The following ALOX12 variants were observed in gnomAD, a reference collection of about 807,000 sequenced individuals.
ALOX12 encodes the protein polyunsaturated fatty acid lipoxygenase ALOX12.
A neutral mutation model predicts 85.5 loss-of-function variants in ALOX12; 62 were observed. The ratio of observed to expected loss-of-function variants is 0.73; its 90% CI spans 0.59 to 0.90. The LOEUF (loss-of-function observed/expected upper bound fraction) is 0.90. ALOX12 is among the 40% of genes least tolerant of loss of function. The probability of loss-of-function intolerance (pLI) is 0.00; values close to 1 mark genes in which losing one functional copy is unlikely to be tolerated. For missense variants in ALOX12, 751 were observed against 856.5 expected, an observed-to-expected ratio of 0.88 and a Z score of 1.54; for synonymous variants, 299 against 332.7, an observed-to-expected ratio of 0.90 and a Z score of 1.10.
chr17:7,009,717 G>C, intron 11 of ALOX12, 30 bp from the exon 12 acceptor site: 1 of 1,577,128 alleles, frequency 6.3e-7, no homozygotes, highest in Non-Finnish European at 8.7e-7. Flanking sequence ...TTATGCTGTA[G>C]CTTCTAACTG....
chr17:6,996,282 C>A, intron 1 of ALOX12, 30 bp downstream of exon 1: 1 of 1,225,826 alleles, frequency 8.2e-7, no homozygotes, highest in East Asian at 3.2e-5. Flanking sequence ...GGAGCTAGGG[C>A]AGCGGGGACC....
intron 8 of ALOX12, 26 bp downstream of exon 8, chr17:7,001,837 T>A (rs1262645060): frequency 6.3e-7 from 1 of 1,592,864 alleles, no homozygotes; most frequent in African/African-American, 1.3e-5. Flanking sequence ...TTAAATCACA[T>A]ATCCCTCAGA....
intron 8 of ALOX12, chr17:7,002,170 G>A: frequency 3.0e-6 from 1 of 331,836 alleles, no homozygotes; most frequent in South Asian, 2.6e-5. Context: ...ACTAGAGTTT[G>A]AAATCACAAG....
At position 6,998,971 on chromosome 17, in the gene ALOX12, C is replaced by T; in HGVS notation, c.561C>T (p.Leu187=). The change falls in exon 5 of 14, where the codon CTC becomes CTT. Residue 187 remains leucine, a synonymous_variant. Transcript: ENST00000251535. ...TLKAGALEMA[L]KRVYTLLSSW... ...GTCCTAGGGCTCTGGAGATGGCCCTCAAACGTGTTTACACCCTCCTGAGCT... is the reference window on the plus strand; with the variant it reads ...GTCCTAGGGCTCTGGAGATGGCCCTTAAACGTGTTTACACCCTCCTGAGCT... 1 of 1,614,184 alleles carries T rather than the reference C, an allele frequency of 6.2e-7. No individual in the cohort carries two copies. Among genetic ancestry groups the T allele is most frequent in the Non-Finnish European group, 8.5e-7 (1 of 1,180,040 alleles).
rs746563170 is a variant in ALOX12 at position 7,010,378 on chromosome 17, T to C, written c.1947T>C (p.Tyr649=). The change falls in exon 14 of 14, where the codon TAT becomes TAC. Residue 649 remains tyrosine (Y), a synonymous_variant. Transcript: ENST00000251535. ...GGAATGAGCAACTTGACTGGCCCTA[T>C]GAATATCTGAAGCCCAGCTGCATAG... The part of the protein sequence containing the change: ...TARNEQLDWP[Y]EYLKPSCIEN... 2 of 1,614,202 alleles carry C rather than the reference T, an allele frequency of 1.2e-6. No individual in the cohort carries two copies. The highest frequency in any genetic ancestry group is 1.1e-5 in the South Asian group (1 of 91,086).
At chr17:7,002,348 G>A in intron 8 of ALOX12, 1 of 371,770 alleles carries the variant, frequency 2.7e-6, no homozygotes, top group Non-Finnish European at 5.4e-6. Flanking sequence ...TGACAGGAAT[G>A]AAAAGGAAAG....
rs1908720500 is a variant in ALOX12 at position 7,001,724 on chromosome 17, G to T, written c.1074G>T (p.Gln358His). 1 of 1,613,960 alleles carries T rather than the reference G, an allele frequency of 6.2e-7. No homozygotes were observed. The highest frequency in any genetic ancestry group is 1.3e-5 in the African/African-American group (1 of 74,894). Residue 358 changes from glutamine to histidine, a missense_variant, in exon 8 of 14, where the codon CAG becomes CAT. Coordinates refer to ENST00000251535, the MANE Select transcript of ALOX12 (RefSeq NM_000697.3). ...CAGATTTCCAACTGCACGAGATCCA[G>T]TATCACTTGCTGAACACTCACCTGG... ...RNSDFQLHEI[Q>H]YHLLNTHLVA...
chr17:6,996,745 G>A, intron 1 of ALOX12, 81 bp from the exon 2 acceptor site: 2 of 1,467,312 alleles, frequency 1.4e-6, no homozygotes, highest in African/African-American at 2.8e-5. Context: ...AACTGAGGTT[G>A]CACAGGAGCG....
At position 7,000,190 on chromosome 17, in the gene ALOX12, G is replaced by A. The variant is rs1908643962; in HGVS notation, c.808-146G>A. The A allele has an allele frequency of 2.2e-6, 2 of 903,694 alleles. No individual in the cohort carries two copies. The highest frequency in any genetic ancestry group is 4.9e-5 in the East Asian group (2 of 40,798). 56.0% of individuals were successfully genotyped at this position (903,694 alleles called of 1,614,324 possible). ...CTTCACTTTAAGATGAGAGGAACTGGACCAGGGGCTCTAGTTCTCCCAACA... is the reference window on the plus strand; with the variant it reads ...CTTCACTTTAAGATGAGAGGAACTGAACCAGGGGCTCTAGTTCTCCCAACA... On this transcript the variant is annotated intron_variant, in intron 6 of 13. Coordinates refer to ENST00000251535, the MANE Select transcript of ALOX12 (RefSeq NM_000697.3). This position sits in a 1 kb window ranked among gnomAD's most constrained non-coding sequence, Gnocchi z 4.6.
chr17:6,996,705 G>A, intron 1 of ALOX12, 121 bp from the exon 2 acceptor site: 2 of 1,252,422 alleles, frequency 1.6e-6, no homozygotes, highest in Non-Finnish European at 2.2e-6. Flanking sequence ...GGGCGGGAAC[G>A]AGGCGATGCT....
chr17:7,001,661 A>G lies in ALOX12; in HGVS notation c.1011A>G (p.Pro337=), dbSNP rs578043025. 8.1e-6 allele frequency: 13 copies of G among 1,613,900 alleles called. No individual in the cohort carries two copies. In the African/African-American group the frequency reaches 1.3e-4, roughly 17 times the overall value. The part of the protein sequence containing the change: ...TPTLFLPSDP[P]LAWLLAKSWV... The stretch of plus-strand genomic sequence containing the variant: ...CACTGTTCCTGCCCTCAGACCCCCC[A>G]CTTGCCTGGCTCCTGGCAAAGTCCT... Residue 337 remains proline, a synonymous_variant, in exon 8 of 14, where the codon CCA becomes CCG. Coordinates refer to ENST00000251535, the MANE Select transcript of ALOX12 (RefSeq NM_000697.3).
chr17:6,999,200 G>A, intron 5 of ALOX12, 106 bp from the exon 6 acceptor site: 2 of 1,525,028 alleles, frequency 1.3e-6, no homozygotes, highest in Non-Finnish European at 1.8e-6. Flanking sequence ...TGAAAACGCA[G>A]AAGCTGGGTT....
At position 6,999,451 on chromosome 17, in the gene ALOX12, G is replaced by A. The variant is rs1220747446; in HGVS notation, c.792G>A (p.Leu264=). The change falls in exon 6 of 14, where the codon CTG becomes CTA. Residue 264 remains leucine (L), a synonymous_variant. Transcript: ENST00000251535. ...GGATGGAAGAGCTTCAGGCTCAACT[G>A]GAGAAAGAACTTCAGGTACCTCTCC... ...PSGMEELQAQ[L]EKELQNGSLF... is the part of the protein sequence containing the mutation. 9 of 1,614,110 alleles carry A rather than the reference G, an allele frequency of 5.6e-6. No individual in the cohort carries two copies. Among genetic ancestry groups the A allele is most frequent in the Non-Finnish European group, 7.6e-6 (9 of 1,179,986 alleles).
intron 5 of ALOX12, 109 bp from the exon 6 acceptor site, chr17:6,999,197 G>T: frequency 6.6e-7 from 1 of 1,514,454 alleles, no homozygotes; most frequent in Non-Finnish European, 9.0e-7. Flanking sequence ...GAATGAAAAC[G>T]CAGAAGCTGG....
rs746409079 is a variant in ALOX12, at chr17:7,006,060, C to CTTGG, written c.1418+33_1418+34insTTGG. 5.5e-5 allele frequency: 5 copies of CTTGG among 91,234 alleles called. 2 individuals carry two copies. The highest frequency in any genetic ancestry group is 4.7e-4 in the African/African-American group (3 of 6,390). 5.7% of individuals were successfully genotyped at this position (91,234 alleles called of 1,614,324 possible). A position where few individuals can be genotyped will look rare whatever the true frequency, so the allele number is the denominator to read the frequency against. On this transcript the variant is annotated intron_variant, in intron 10 of 13. Transcript: ENST00000251535. ...AGGAGGAGCTGAGAAATGGTGGGGC[C>CTTGG]GGGGGGGGGGGGGGCTCTGGCCTGA... is the stretch of plus-strand genomic sequence containing the variant.
intron 11 of ALOX12, among the ~76,000 whole-genome samples, chr17:7,008,957 G>A (rs1351340806): frequency 2.0e-5 from 3 of 152,050 alleles, no homozygotes; most frequent in African/African-American, 7.2e-5. Flanking sequence ...TTTAAATAGA[G>A]ACAGGCTCTT....
rs1316525208 is a variant in ALOX12, at chr17:7,002,450, C to CTG, written c.1161+641_1161+642dup. 6.4e-6 allele frequency: 3 copies of CTG among 467,448 alleles called. No individual in the cohort carries two copies. In the East Asian group the frequency reaches 2.1e-4, roughly 33 times the overall value. The allele number at this position is 467,448 out of a possible 1,614,324, so 29.0% of individuals were successfully genotyped here. A position where few individuals can be genotyped will look rare whatever the true frequency, so the allele number is the denominator to read the frequency against. Reference sequence around the variant, plus strand: ...CCAGAAGTCCAAGCTTCTGCCACACCTGTAAGTCCCTGGGGCAGGTGTGTT... The same window carrying CTG: ...CCAGAAGTCCAAGCTTCTGCCACACCTGTGTAAGTCCCTGGGGCAGGTGTGTT... On this transcript the variant is annotated intron_variant, in intron 8 of 13. Transcript: ENST00000251535.
At position 7,006,641 on chromosome 17, in the gene ALOX12, G is replaced by A. The variant is rs367994191; in HGVS notation, c.1540+34G>A. On this transcript the variant is annotated intron_variant, in intron 11 of 13. Transcript: ENST00000251535. Reference sequence around the variant, plus strand: ...CATTCTAGAGACAGAAGAAGCTCCTGGGAGACTCTGCCAGGGCGCCTTCCC... The same window carrying A: ...CATTCTAGAGACAGAAGAAGCTCCTAGGAGACTCTGCCAGGGCGCCTTCCC... 1.9e-5 allele frequency: 29 copies of A among 1,532,076 alleles called. No homozygotes were observed. In the African/African-American group the frequency reaches 3.7e-4, roughly 20 times the overall value. The allele number at this position is 1,532,076 out of a possible 1,614,324, so 94.9% of individuals were successfully genotyped here. A position where few individuals can be genotyped will look rare whatever the true frequency, so the allele number is the denominator to read the frequency against.
Position 7,009,770 on chromosome 17 carries a change from C to G in ALOX12, c.1564C>G (p.Gln522Glu). 6.2e-7 allele frequency: 1 copy of G among 1,614,238 alleles called. No individual in the cohort carries two copies. The highest frequency in any genetic ancestry group is 1.1e-5 in the South Asian group (1 of 91,090). ...DRGFPVSFQS[Q>E]SQLCHFLTMC... ...AGGTTTCCCTGTCTCCTTCCAGTCC[C>G]AGAGTCAACTCTGCCATTTCCTCAC... Residue 522 changes from glutamine (Q) to glutamate (E), a missense_variant, in exon 12 of 14, where the codon CAG (glutamine) becomes GAG (glutamate). Physicochemically the swap from Gln to Glu is conservative, Grantham distance 29 (BLOSUM62 2). Transcript: ENST00000251535.
Sources: gnomAD v4.1 joint callset for allele counts (sites outside exome capture counted in the v4.1 genomes callset) on GRCh38, gnomAD v4.1.1 for gene constraint, Gnocchi (gnomAD v3.1) non-coding constraint, MANE v1.5 for transcripts, NCBI Gene and HGNC (gene_info 2026-07-23, HGNC 2026-07-21) for gene names.